Variants in CSMD3 observed in about 807,000 individuals in gnomAD.
The protein encoded by CSMD3 is CUB and sushi domain-containing protein 3.
In CSMD3, 177 loss-of-function variants were observed where a neutral mutation model predicts 435.2. The observed-to-expected ratio is 0.41, with a 90% confidence interval of 0.36 to 0.46. The LOEUF (loss-of-function observed/expected upper bound fraction) is 0.46, where lower values mean the gene tolerates loss of function less well. CSMD3 is among the 20% of genes least tolerant of loss of function. The pLI is 0.34. For synonymous variants in CSMD3, 1,656 were observed against 1,520.5 expected, an observed-to-expected ratio of 1.09 and a Z score of -2.07; for missense variants, 4,265 against 4,504.6, an observed-to-expected ratio of 0.95 and a Z score of 1.52.
At chr8:113,070,980 C>T (rs897567992) in intron 5 of CSMD3, among the ~76,000 whole-genome samples, 1 of 151,900 alleles carries the variant, frequency 6.6e-6, no homozygotes, top group Non-Finnish European at 1.5e-5. Context: ...CTGGCCAATA[C>T]TAATCTTTTG....
chr8:112,634,274 A>G (rs979203828), intron 22 of CSMD3, among the ~76,000 whole-genome samples: 2 of 152,018 alleles, frequency 1.3e-5, no homozygotes, highest in African/African-American at 4.8e-5. Context: ...ATATACACAT[A>G]CGTGTGTTTA....
At chr8:112,326,073 C>T (rs1181034752) in intron 45 of CSMD3, among the ~76,000 whole-genome samples, 2 of 152,094 alleles carry the variant, frequency 1.3e-5, no homozygotes, top group Admixed American at 1.3e-4. Context: ...CTTTTCTTAA[C>T]TTTCACTTCT....
chr8:112,939,879 C>G (rs2083397619), intron 9 of CSMD3, among the ~76,000 whole-genome samples: 1 of 151,866 alleles, frequency 6.6e-6, no homozygotes, highest in Non-Finnish European at 1.5e-5. Flanking sequence ...TATTTCTCAG[C>G]CATTACATTC....
Position 113,173,758 on chromosome 8 carries a change from T to C in CSMD3, c.673A>G (p.Thr225Ala). ...QLTCIANSVNTASWDFPVPIC... is the reference protein window; with the variant it reads ...QLTCIANSVNAASWDFPVPIC... ...GGAACAGGAAAATCCCACGAAGCTG[T>C]ATTAACTGAATTGGCTATGCAGGTG... The change falls in exon 4 of 71, where the codon ACA (threonine) becomes GCA (alanine). Residue 225 changes from threonine (T) to alanine (A), a missense_variant. Physicochemically the swap from Thr to Ala is moderately conservative, Grantham distance 58. Transcript: ENST00000297405. The C allele has an allele frequency of 6.2e-7, 1 of 1,613,728 alleles. No homozygotes were observed. The highest frequency in any genetic ancestry group is 8.5e-7 in the Non-Finnish European group (1 of 1,179,686).
chr8:113,358,498 G>A lies in CSMD3; in HGVS notation c.179-43705C>T, dbSNP rs556364809. Among the ~76,000 whole-genome samples the A allele has an allele frequency of 1.9e-3, 282 of 152,202 alleles. 2 individuals are homozygous for A. The highest frequency in any genetic ancestry group is 8.5e-3 in the South Asian group (41 of 4,808). On this transcript the variant is annotated intron_variant, in intron 1 of 70. Coordinates refer to ENST00000297405, the MANE Select transcript of CSMD3 (RefSeq NM_198123.2). Reference sequence around the variant, plus strand: ...CTCCCAAGTAGCTGGGATTACAGGCGTATGCCACCACGCTTAGCTAATTTT... The same window carrying A: ...CTCCCAAGTAGCTGGGATTACAGGCATATGCCACCACGCTTAGCTAATTTT...
At chr8:113,153,101 A>AAAGAAAAGAAAGAAAGAAAAG (rs35085690) in intron 4 of CSMD3, among the ~76,000 whole-genome samples, 15 of 99,994 alleles carry the variant, frequency 1.5e-4, no homozygotes, top group African/African-American at 6.1e-4. Context: ...AGAAAGAAAG[A>AAAGAAAAGAAAGAAAGAAAAG]AAAGAAAGAA....
chr8:112,518,635 A>T (rs1317783652), intron 27 of CSMD3, among the ~76,000 whole-genome samples: 5 of 150,530 alleles, frequency 3.3e-5, no homozygotes, highest in African/African-American at 9.9e-5. Context: ...TGTGTGAGAG[A>T]GAGAGAGAGA....
At position 112,249,436 on chromosome 8, in the gene CSMD3, A is replaced by G. The variant is rs188253377; in HGVS notation, c.10111-2305T>C. The stretch of plus-strand genomic sequence containing the variant: ...GTAGGTCCATGAATCTATATTTCCA[A>G]CAAGTTCCCAGGTGAAACTGCTGCT... On this transcript the variant is annotated intron_variant, in intron 63 of 70. Coordinates refer to ENST00000297405, the MANE Select transcript of CSMD3 (RefSeq NM_198123.2). Among the ~76,000 whole-genome samples the G allele has an allele frequency of 3.3e-5, 5 of 152,144 alleles. No individual in the cohort carries two copies. In the East Asian group the frequency reaches 9.7e-4, roughly 29 times the overall value.
intron 1 of CSMD3, among the ~76,000 whole-genome samples, chr8:113,340,868 CAAAAAAAAAAAAAAGGG>C (rs1330444352): frequency 7.0e-6 from 1 of 143,158 alleles, no homozygotes; most frequent in African/African-American, 2.6e-5. Context: ...GACTTTGTCT[CAAAAAAAAAAAAAAGGG>C]AAATATTTGT....
At chr8:112,367,948 T>C (rs1827945914) in intron 38 of CSMD3, among the ~76,000 whole-genome samples, 1 of 152,210 alleles carries the variant, frequency 6.6e-6, no homozygotes, top group Admixed American at 6.5e-5. Context: ...AAGCACTTTA[T>C]TTATTTAATT....
At chr8:112,566,597 A>C (rs1183491405) in intron 24 of CSMD3, among the ~76,000 whole-genome samples, 1 of 152,150 alleles carries the variant, frequency 6.6e-6, no homozygotes, top group Admixed American at 6.5e-5. Context: ...TCTAACAAAG[A>C]GCAGCTTATA....
intron 2 of CSMD3, among the ~76,000 whole-genome samples, chr8:113,286,877 AGAGAGAAAGG>A (rs1295421649): frequency 8.6e-5 from 13 of 151,954 alleles, no homozygotes; most frequent in African/African-American, 2.7e-4. Context: ...GTAAGAGGTA[AGAGAGAAAGG>A]GAGAGAAAGG....
chr8:113,146,292 G>C (rs1352887901), intron 4 of CSMD3, among the ~76,000 whole-genome samples: 2 of 151,442 alleles, frequency 1.3e-5, no homozygotes, highest in Non-Finnish European at 3.0e-5. Context: ...TGGGGGGTAG[G>C]AAGTGACACT....
At chr8:112,936,470 C>T (rs540226137) in intron 9 of CSMD3, among the ~76,000 whole-genome samples, 1 of 152,162 alleles carries the variant, frequency 6.6e-6, no homozygotes, top group Middle Eastern at 3.4e-3. Flanking sequence ...GAATATTAAA[C>T]AGACTAATAA....
intron 32 of CSMD3, among the ~76,000 whole-genome samples, chr8:112,451,790 G>A (rs1586369629): frequency 6.6e-6 from 1 of 151,986 alleles, no homozygotes. Flanking sequence ...TGCCCTCCTC[G>A]GCCTCCCAAA....
chr8:112,555,149 A>G (rs1010111886), intron 25 of CSMD3, among the ~76,000 whole-genome samples: 1 of 151,956 alleles, frequency 6.6e-6, no homozygotes, highest in Admixed American at 6.6e-5. Flanking sequence ...ATATCAAGTC[A>G]ACATGTTTTG....
At chr8:112,525,459 G>A (rs1392393713) in intron 27 of CSMD3, among the ~76,000 whole-genome samples, 10 of 150,488 alleles carry the variant, frequency 6.6e-5, no homozygotes, top group South Asian at 4.2e-4. Context: ...AGTGGCTCAC[G>A]CCTGTAATCC....
chr8:113,105,234 T>C (rs899399199), intron 4 of CSMD3, among the ~76,000 whole-genome samples: 2 of 152,108 alleles, frequency 1.3e-5, no homozygotes, highest in Non-Finnish European at 2.9e-5. Context: ...AGACCAGGTC[T>C]ATGAAGAACT....
At chr8:112,392,871 T>TC (rs1554665816) in intron 35 of CSMD3, among the ~76,000 whole-genome samples, 1 of 141,426 alleles carries the variant, frequency 7.1e-6, no homozygotes. Flanking sequence ...TTTCTTTTTT[T>TC]TTTTTTTTTT....
Sources: allele counts gnomAD v4.1 joint callset (sites outside exome capture counted in the v4.1 genomes callset), GRCh38; gene constraint gnomAD v4.1.1; transcripts MANE v1.5; gene names NCBI Gene and HGNC (gene_info 2026-07-23, HGNC 2026-07-21).